DMD: variants seen among roughly 807,000 people sequenced by gnomAD.
DMD encodes dystrophin.
A neutral mutation model predicts 330.1 loss-of-function variants in DMD; 63 were observed. That is an observed-to-expected ratio of 0.19 (90% CI 0.16 to 0.24). DMD has a LOEUF of 0.24. Ranked by LOEUF, DMD falls within the 10% of genes least tolerant of loss-of-function variation. The pLI is 1.00. For synonymous variants in DMD, 1,223 were observed against 959.8 expected (o/e 1.27, Z -5.07); for missense variants, 3,344 against 2,684.1 (o/e 1.25, Z -5.43).
intron 44 of DMD, among the ~76,000 whole-genome samples, chrX:32,132,626 C>T (rs72626012): frequency 9.0e-6 from 1 of 110,905 alleles, no homozygotes; most frequent in Non-Finnish European, 1.9e-5. Context: ...CATCTTTTTT[C>T]ATCCTACTAA....
chrX:32,807,360 A>T lies in DMD; in HGVS notation c.649+2133T>A, dbSNP rs141398112. Among the ~76,000 whole-genome samples, 159 of 111,145 alleles carry T rather than the reference A, an allele frequency of 1.4e-3. 1 individual carries two copies. In the East Asian group the frequency reaches 0.038, roughly 27 times the overall value. On this transcript the variant is annotated intron_variant, in intron 7 of 78. Transcript: ENST00000357033. ...TAAACAGGAAACCTGTTTAAGCGAT[A>T]AGATGCTCTTTCAATTGGAAGAGTC... is the stretch of plus-strand genomic sequence containing the variant.
At chrX:32,254,015 C>A (rs1240305866) in intron 43 of DMD, among the ~76,000 whole-genome samples, 2 of 111,122 alleles carry the variant, frequency 1.8e-5, no homozygotes, top group African/African-American at 3.3e-5. Context: ...GAAAACTCTT[C>A]TGCAAAAGAG....
chrX:32,835,968 T>C (rs757003137), intron 4 of DMD, among the ~76,000 whole-genome samples: 4 of 111,136 alleles, frequency 3.6e-5, no homozygotes, highest in Non-Finnish European at 7.5e-5. Context: ...AGGCTGTTCA[T>C]ATGATTTTCT....
At chrX:33,115,546 C>G (rs1027050900) in intron 1 of DMD, among the ~76,000 whole-genome samples, 14 of 107,136 alleles carry the variant, frequency 1.3e-4, no homozygotes, top group Non-Finnish European at 9.6e-5. Flanking sequence ...GAGTCTCGCT[C>G]TGTGGCCCAG....
At chrX:32,021,270 GAGA>G (rs764391891) in intron 44 of DMD, among the ~76,000 whole-genome samples, 3 of 112,186 alleles carry the variant, frequency 2.7e-5, no homozygotes, top group East Asian at 5.6e-4. Context: ...AGAATTCACA[GAGA>G]AGATTAGAGA....
chrX:32,679,902 CTTTTTTTTTTTTTTTT>C (rs766270656), intron 9 of DMD, among the ~76,000 whole-genome samples: 2 of 23,580 alleles, frequency 8.5e-5, no homozygotes, highest in African/African-American at 1.8e-4. Context: ...AATATTTGTA[CTTTTTTTTTTTTTTTT>C]TTTTTTTTTT....
chrX:31,622,589 T>C lies in DMD; in HGVS notation c.8217+5084A>G, dbSNP rs995556446. 5.5e-5 allele frequency among the ~76,000 whole-genome samples: 6 copies of C among 109,823 alleles called. No homozygotes were observed. In the South Asian group the frequency reaches 2.0e-3, roughly 36 times the overall value. ...ATCAGAGCTCTGTCTCTCTTTGCTA[T>C]GTTAGGACACAGAGAGAAGGAAGCC... On this transcript the variant is annotated intron_variant, in intron 55 of 78. Transcript: ENST00000357033.
intron 60 of DMD, among the ~76,000 whole-genome samples, chrX:31,380,239 C>A (rs941313520): frequency 1.8e-5 from 2 of 110,424 alleles, no homozygotes; most frequent in African/African-American, 6.6e-5. Context: ...TTTAGTTATC[C>A]CCACCTGCCC....
intron 60 of DMD, among the ~76,000 whole-genome samples, chrX:31,416,879 G>A (rs1013168551): frequency 1.8e-5 from 2 of 112,144 alleles, no homozygotes; most frequent in Admixed American, 1.9e-4. Context: ...GGGTAAGAGG[G>A]TCTTCTGCAC....
chrX:33,315,357 A>G (rs1032780783), intron 1 of DMD, among the ~76,000 whole-genome samples: 4 of 112,255 alleles, frequency 3.6e-5, no homozygotes, highest in Admixed American at 1.9e-4. Flanking sequence ...TTAATAATGT[A>G]TGGTGCAGCT....
chrX:31,575,771 T>C (rs1027316511), intron 55 of DMD, among the ~76,000 whole-genome samples: 2 of 112,012 alleles, frequency 1.8e-5, no homozygotes, highest in African/African-American at 6.5e-5. Flanking sequence ...ATAAACAGTT[T>C]TAAATGGACC....
rs191750555 is a variant in DMD, at chrX:31,465,020, G to A, written c.8937+13086C>T. Among the ~76,000 whole-genome samples the A allele has an allele frequency of 6.0e-4, 67 of 111,752 alleles. 1 individual carries two copies. Among genetic ancestry groups the A allele is most frequent in the African/African-American group, 2.1e-3 (64 of 30,681 alleles). Reference sequence around the variant, plus strand: ...TAGGGGCTTTTAAAACACACACAGCGCTATCTAAAATCAGATGCTTTGGGG... The same window carrying A: ...TAGGGGCTTTTAAAACACACACAGCACTATCTAAAATCAGATGCTTTGGGG... On this transcript the variant is annotated intron_variant, in intron 59 of 78. Transcript: ENST00000357033.
intron 60 of DMD, among the ~76,000 whole-genome samples, chrX:31,370,344 T>C (rs748031403): frequency 9.0e-5 from 10 of 111,486 alleles, no homozygotes; most frequent in African/African-American, 3.3e-4. Flanking sequence ...AACCGAACTA[T>C]AAAAAAACTT....
intron 9 of DMD, among the ~76,000 whole-genome samples, chrX:32,688,527 G>C (rs1340205765): frequency 1.8e-5 from 2 of 112,112 alleles, no homozygotes; most frequent in African/African-American, 6.5e-5. Flanking sequence ...TTGAATGCCT[G>C]TTGTGTAAGA....
rs762090804 is a variant in DMD, at chrX:31,177,780, GA to G, written c.10262+151del. On this transcript the variant is annotated intron_variant, in intron 71 of 78. Coordinates refer to ENST00000357033, the MANE Select transcript of DMD (RefSeq NM_004006.3). ...TACTTTCAAAGTCTCATCAAGAAAAGAAAAAAAAAAACTGAAATGAAGGAAG... is the reference window on the plus strand; with the variant it reads ...TACTTTCAAAGTCTCATCAAGAAAAGAAAAAAAAAACTGAAATGAAGGAAG... The G allele has an allele frequency of 2.6e-3, 1,150 of 440,388 alleles. 1 individual carries two copies. Among genetic ancestry groups the G allele is most frequent in the East Asian group, 0.018 (402 of 21,749 alleles). 36.3% of individuals were successfully genotyped at this position (440,388 alleles called of 1,213,427 possible).
At chrX:31,571,432 T>C (rs1462191960) in intron 55 of DMD, among the ~76,000 whole-genome samples, 2 of 110,475 alleles carry the variant, frequency 1.8e-5, no homozygotes, top group Non-Finnish European at 3.8e-5. Flanking sequence ...CCATGTTCTA[T>C]TGCAATATTT....
intron 47 of DMD, among the ~76,000 whole-genome samples, chrX:31,925,392 G>T (rs2094755785): frequency 9.1e-6 from 1 of 110,201 alleles, no homozygotes; most frequent in African/African-American, 3.3e-5. Context: ...TAAATAAATG[G>T]GTAGTTAAAA....
chrX:32,605,671 C>T (rs928924453), intron 12 of DMD, among the ~76,000 whole-genome samples: 3 of 110,610 alleles, frequency 2.7e-5, no homozygotes, highest in Non-Finnish European at 3.8e-5. Context: ...AAACTAATAT[C>T]TAGAATCTAA....
intron 2 of DMD, among the ~76,000 whole-genome samples, chrX:32,944,116 ACTTT>A (rs1398451794): frequency 1.8e-5 from 2 of 111,786 alleles, no homozygotes; most frequent in Non-Finnish European, 3.8e-5. Context: ...GCAATATTTG[ACTTT>A]CTGTGTCTGG....
Sources: gnomAD v4.1 joint callset for allele counts (sites outside exome capture counted in the v4.1 genomes callset) on GRCh38, gnomAD v4.1.1 for gene constraint, MANE v1.5 for transcripts, NCBI Gene and HGNC (gene_info 2026-07-23, HGNC 2026-07-21) for gene names.